DENND1A: variants seen among roughly 807,000 people sequenced by gnomAD.
DENND1A encodes DENN domain-containing protein 1A.
In DENND1A, 51 loss-of-function variants were observed where a neutral mutation model predicts 113.7. That is an observed-to-expected ratio of 0.45 (90% CI 0.36 to 0.57). DENND1A has a LOEUF of 0.57. DENND1A is among the 20% of genes least tolerant of loss of function. The pLI is 0.00. For synonymous variants in DENND1A, 565 were observed against 570.8 expected (o/e 0.99, Z 0.14); for missense variants, 1,258 against 1,395.9 (o/e 0.90, Z 1.57).
At chr9:123,390,632 T>C (rs1891640) in intron 21 of DENND1A, among the ~76,000 whole-genome samples, 102,300 of 152,116 alleles carry the variant, frequency 0.67, 35,533 homozygotes, top group Non-Finnish European at 0.79. Flanking sequence ...TTGAGCCTAC[T>C]TGGTGTGAGC....
chr9:123,913,125 A>AC (rs201298961), intron 1 of DENND1A, among the ~76,000 whole-genome samples: 11 of 150,694 alleles, frequency 7.3e-5, no homozygotes, highest in African/African-American at 1.9e-4. Flanking sequence ...AAAAAAAAAA[A>AC]AAAAAAAAAA....
At chr9:123,431,799 C>T (rs1353207681) in intron 19 of DENND1A, among the ~76,000 whole-genome samples, 1 of 152,118 alleles carries the variant, frequency 6.6e-6, no homozygotes, top group Non-Finnish European at 1.5e-5. Context: ...CCATGCCCCT[C>T]CCACACTACT....
intron 5 of DENND1A, among the ~76,000 whole-genome samples, chr9:123,691,817 G>T (rs1254495764): frequency 6.6e-6 from 1 of 152,132 alleles, no homozygotes; most frequent in Admixed American, 6.5e-5. Flanking sequence ...AGTCCTCAAG[G>T]AAGAAGGAGG....
At chr9:123,783,770 G>A (rs1275932702) in intron 3 of DENND1A, among the ~76,000 whole-genome samples, 1 of 152,166 alleles carries the variant, frequency 6.6e-6, no homozygotes, top group East Asian at 1.9e-4. Context: ...AATTACATCT[G>A]TGTATCACAT....
chr9:123,500,168 T>A (rs75377350), intron 13 of DENND1A, among the ~76,000 whole-genome samples: 213 of 152,318 alleles, frequency 1.4e-3, no homozygotes, highest in African/African-American at 5.0e-3. Flanking sequence ...CACTTATTTT[T>A]TCCCAGGTTC....
At chr9:123,403,288 T>C in intron 21 of DENND1A, 114 bp downstream of exon 21, 1 of 1,038,518 alleles carries the variant, frequency 9.6e-7, no homozygotes, top group Non-Finnish European at 1.5e-6. Context: ...AAACACCCGC[T>C]GGGAGCCCCG....
At chr9:123,598,048 C>T (rs4836936) in intron 11 of DENND1A, among the ~76,000 whole-genome samples, 34,713 of 151,972 alleles carry the variant, frequency 0.23, 4,296 homozygotes, top group Admixed American at 0.27. Context: ...CAGACAGATA[C>T]AGTTAAGGGA....
At chr9:123,543,882 A>G (rs995293758) in intron 13 of DENND1A, among the ~76,000 whole-genome samples, 1 of 137,214 alleles carries the variant, frequency 7.3e-6, no homozygotes, top group Non-Finnish European at 1.5e-5. Flanking sequence ...ACTGTCTTTA[A>G]CAGTGACCAG....
intron 12 of DENND1A, among the ~76,000 whole-genome samples, chr9:123,571,146 C>T: frequency 6.6e-6 from 1 of 152,036 alleles, no homozygotes; most frequent in Admixed American, 6.6e-5. Flanking sequence ...ATTGTCTAGG[C>T]ATCTAGCACA....
chr9:123,582,184 C>T (rs1385818852), intron 12 of DENND1A, among the ~76,000 whole-genome samples: 1 of 152,102 alleles, frequency 6.6e-6, no homozygotes, highest in Non-Finnish European at 1.5e-5. Flanking sequence ...TGAAGTACCC[C>T]AAATTGTTCA....
At chr9:123,571,325 G>T (rs962920988) in intron 12 of DENND1A, among the ~76,000 whole-genome samples, 1 of 152,156 alleles carries the variant, frequency 6.6e-6, no homozygotes, top group Non-Finnish European at 1.5e-5. Context: ...ATATATAATA[G>T]AATGCATACA....
intron 19 of DENND1A, among the ~76,000 whole-genome samples, chr9:123,415,669 G>C (rs1225142495): frequency 6.6e-6 from 1 of 152,246 alleles, no homozygotes; most frequent in Non-Finnish European, 1.5e-5. Flanking sequence ...CTGGTTTGCT[G>C]AGTGACTTTG....
chr9:123,387,644 A>T, intron 22 of DENND1A, 86 bp downstream of exon 22: 2 of 1,130,584 alleles, frequency 1.8e-6, no homozygotes, highest in South Asian at 1.3e-5. Context: ...ACACAAAGGC[A>T]AGCAGCACCA....
intron 5 of DENND1A, among the ~76,000 whole-genome samples, chr9:123,683,334 G>A (rs1373274620): frequency 6.6e-6 from 1 of 152,104 alleles, no homozygotes; most frequent in Non-Finnish European, 1.5e-5. Context: ...CAATATGAAA[G>A]GATAAAAGAG....
chr9:123,855,813 G>A (rs886078795), intron 2 of DENND1A, among the ~76,000 whole-genome samples: 12 of 152,032 alleles, frequency 7.9e-5, no homozygotes, highest in East Asian at 3.9e-4. Flanking sequence ...TGAGGCAGGC[G>A]GATCACCTGA....
At chr9:123,409,490 G>A (rs1215993581) in intron 20 of DENND1A, among the ~76,000 whole-genome samples, 1 of 151,254 alleles carries the variant, frequency 6.6e-6, no homozygotes, top group Non-Finnish European at 1.5e-5. Context: ...GAAACAAACT[G>A]AAAGCTGAAA....
intron 5 of DENND1A, among the ~76,000 whole-genome samples, chr9:123,687,317 C>T (rs2064872785): frequency 1.3e-5 from 2 of 152,206 alleles, no homozygotes; most frequent in Admixed American, 1.3e-4. Context: ...AGACACACAA[C>T]TGGTGGCACT....
At chr9:123,600,316 CA>C (rs2059886182) in intron 11 of DENND1A, among the ~76,000 whole-genome samples, 1 of 152,078 alleles carries the variant, frequency 6.6e-6, no homozygotes, top group Admixed American at 6.5e-5. Context: ...TGTCAGACAC[CA>C]ATCTGAGTGT....
intron 2 of DENND1A, among the ~76,000 whole-genome samples, chr9:123,821,669 T>G (rs988481217): frequency 6.6e-6 from 1 of 152,086 alleles, no homozygotes; most frequent in Admixed American, 6.5e-5. Flanking sequence ...CCATCAACTC[T>G]AACAGTTTCA....
Sources: gnomAD v4.1 joint callset for allele counts (sites outside exome capture counted in the v4.1 genomes callset) on GRCh38, gnomAD v4.1.1 for gene constraint, MANE v1.5 for transcripts, NCBI Gene and HGNC (gene_info 2026-07-23, HGNC 2026-07-21) for gene names.